Variants in GRID2 observed in about 807,000 individuals in gnomAD.
GRID2 encodes the protein glutamate ionotropic receptor delta type subunit 2.
A neutral mutation model predicts 114.8 loss-of-function variants in GRID2; 33 were observed. The ratio of observed to expected loss-of-function variants is 0.29; its 90% CI spans 0.22 to 0.38. GRID2 has a LOEUF of 0.38. Among genes scored for constraint, GRID2 ranks in the 10% least tolerant of loss-of-function variants. The pLI, the probability that GRID2 is intolerant of heterozygous loss-of-function variation, is 1.00. For synonymous variants in GRID2, 505 were observed against 449.9 expected (o/e 1.12, Z -1.55); for missense variants, 1,184 against 1,257.7 (o/e 0.94, Z 0.89).
chr4:92,753,112 TACAC>T lies in GRID2; in HGVS notation c.244+162830_244+162833del, dbSNP rs1737535197. Among the ~76,000 whole-genome samples the T allele has an allele frequency of 3.3e-5, 5 of 152,300 alleles. No individual in the cohort carries two copies. The South Asian group carries it at 8.3e-4, about 25-fold the overall frequency. On this transcript the variant is annotated intron_variant, in intron 2 of 15. Coordinates refer to ENST00000282020, the MANE Select transcript of GRID2 (RefSeq NM_001510.4). ...ACTGATTTATTACAAATGTAAGTAA[TACAC>T]ACATTTTTAGACAATGATTAGTTAG...
At chr4:93,027,998 C>T (rs1724036908) in intron 2 of GRID2, among the ~76,000 whole-genome samples, 1 of 152,006 alleles carries the variant, frequency 6.6e-6, no homozygotes, top group African/African-American at 2.4e-5. Flanking sequence ...ATTAGAAGAA[C>T]ATAAATCCAT....
Position 93,772,534 on chromosome 4 carries a change from G to A in GRID2, c.*36G>A. The A allele has an allele frequency of 7.0e-7, 1 of 1,436,736 alleles. No individual in the cohort carries two copies. Among genetic ancestry groups the A allele is most frequent in the Non-Finnish European group, 9.5e-7 (1 of 1,056,256 alleles). The allele number at this position is 1,436,736 out of a possible 1,614,324, so 89.0% of individuals were successfully genotyped here. On this transcript the variant is annotated 3_prime_UTR_variant, in exon 16 of 16. Transcript: ENST00000282020. ...AATCTCTTCACTGTTTCTTTTTTAG[G>A]ACTCCCTTTGCAAGGAGCAACTGTA...
intron 14 of GRID2, among the ~76,000 whole-genome samples, chr4:93,683,547 G>C (rs1290218799): frequency 1.3e-5 from 2 of 152,124 alleles, no homozygotes; most frequent in African/African-American, 4.8e-5. Context: ...GTCGTAAAGT[G>C]AGGAGTTATT....
At chr4:92,334,922 T>G (rs1185356666) in intron 1 of GRID2, among the ~76,000 whole-genome samples, 4 of 152,216 alleles carry the variant, frequency 2.6e-5, no homozygotes. Context: ...TGGATCAAAT[T>G]GTGCCTGGAG....
At chr4:92,873,884 T>C (rs1209341074) in intron 2 of GRID2, among the ~76,000 whole-genome samples, 2 of 152,092 alleles carry the variant, frequency 1.3e-5, no homozygotes, top group Admixed American at 1.3e-4. Context: ...CCGGCTAATT[T>C]TGTATTTGTA....
intron 2 of GRID2, among the ~76,000 whole-genome samples, chr4:93,059,879 A>G (rs1384307248): frequency 6.6e-6 from 1 of 151,984 alleles, no homozygotes; most frequent in Non-Finnish European, 1.5e-5. Flanking sequence ...AAACAAGGTC[A>G]TTAAATATAT....
chr4:92,439,941 G>A (rs1282320759), intron 1 of GRID2, among the ~76,000 whole-genome samples: 3 of 145,740 alleles, frequency 2.1e-5, no homozygotes, highest in African/African-American at 7.3e-5. Context: ...CGGTGAATAG[G>A]AGTATGACTA....
chr4:93,490,747 T>C lies in GRID2; in HGVS notation c.1967T>C (p.Leu656Pro). 6.2e-7 allele frequency: 1 copy of C among 1,610,784 alleles called. No individual in the cohort carries two copies. The highest frequency in any genetic ancestry group is 8.5e-7 in the Non-Finnish European group (1 of 1,177,604). Residue 656 changes from leucine (L) to proline (P), a missense_variant, in exon 12 of 16, where the codon CTC becomes CCC. By Grantham distance (98) the Leu-to-Pro change is moderately conservative. This residue lies in a region of GRID2 where 717 missense variants were observed against 796.9 expected (regional missense o/e 0.90). Transcript: ENST00000282020. ...TACACGGCAAACCTCGCTGCTTTCC[T>C]CACTATTACACGCATTGAAAGTTCC... is the stretch of plus-strand genomic sequence containing the variant. ...SSYTANLAAF[L>P]TITRIESSIQ...
intron 2 of GRID2, among the ~76,000 whole-genome samples, chr4:92,893,038 A>G (rs1045355542): frequency 4.6e-5 from 7 of 152,178 alleles, no homozygotes; most frequent in Admixed American, 6.5e-5. Flanking sequence ...TAACCAAAAT[A>G]CTTTGAAAAT....
intron 1 of GRID2, among the ~76,000 whole-genome samples, chr4:92,429,021 AC>A (rs1355743699): frequency 6.7e-6 from 1 of 149,764 alleles, no homozygotes; most frequent in African/African-American, 2.5e-5. Flanking sequence ...CCTTACCTCC[AC>A]CCCCCGACAG....
intron 4 of GRID2, among the ~76,000 whole-genome samples, chr4:93,179,405 C>G (rs756192488): frequency 6.6e-6 from 1 of 152,046 alleles, no homozygotes; most frequent in Non-Finnish European, 1.5e-5. Flanking sequence ...TGTCATTTTC[C>G]TTATTCTTGT....
At chr4:93,573,774 G>T (rs1273851031) in intron 13 of GRID2, among the ~76,000 whole-genome samples, 1 of 152,034 alleles carries the variant, frequency 6.6e-6, no homozygotes, top group African/African-American at 2.4e-5. Context: ...TGGGAGCTTT[G>T]CAACCTTCAT....
intron 2 of GRID2, among the ~76,000 whole-genome samples, chr4:92,720,867 G>A (rs1735777245): frequency 6.6e-6 from 1 of 151,984 alleles, no homozygotes; most frequent in Admixed American, 6.6e-5. Flanking sequence ...GTTCATAGCA[G>A]CATTATTTAC....
chr4:92,377,049 T>G (rs910700262), intron 1 of GRID2, among the ~76,000 whole-genome samples: 1 of 152,208 alleles, frequency 6.6e-6, no homozygotes, highest in Non-Finnish European at 1.5e-5. Flanking sequence ...TTGTTACTTA[T>G]GCAAATTTCT....
At chr4:93,241,802 T>TAAA (rs78539388) in intron 8 of GRID2, among the ~76,000 whole-genome samples, 4 of 130,896 alleles carry the variant, frequency 3.1e-5, no homozygotes, top group African/African-American at 1.1e-4. Context: ...AGTAGAAAAG[T>TAAA]AAAAAAAAAA....
intron 3 of GRID2, among the ~76,000 whole-genome samples, chr4:93,096,843 C>T (rs895301819): frequency 4.6e-5 from 7 of 151,874 alleles, no homozygotes; most frequent in African/African-American, 1.2e-4. Context: ...TATAGCCACA[C>T]GAATTCTTGT....
intron 14 of GRID2, among the ~76,000 whole-genome samples, chr4:93,725,252 C>T (rs188720029): frequency 5.3e-5 from 8 of 152,056 alleles, no homozygotes; most frequent in Non-Finnish European, 7.4e-5. Context: ...TCTGTCCTTG[C>T]GATAGTTTGC....
chr4:92,515,794 A>G (rs528201866), intron 1 of GRID2, among the ~76,000 whole-genome samples: 7 of 152,088 alleles, frequency 4.6e-5, no homozygotes, highest in Non-Finnish European at 8.8e-5. Context: ...CAGAGAAAAA[A>G]AGAATATTGT....
intron 2 of GRID2, among the ~76,000 whole-genome samples, chr4:92,915,563 A>G (rs573771046): frequency 2.0e-5 from 3 of 152,254 alleles, no homozygotes; most frequent in Admixed American, 2.0e-4. Flanking sequence ...AAGCCTAACC[A>G]TATCAGGGTA....
Sources: allele counts gnomAD v4.1 joint callset (sites outside exome capture counted in the v4.1 genomes callset), GRCh38; gene constraint gnomAD v4.1.1; regional missense constraint gnomAD v4.1.1; transcripts MANE v1.5; gene names NCBI Gene and HGNC (gene_info 2026-07-23, HGNC 2026-07-21).